TRPC4: variants seen among roughly 807,000 people sequenced by gnomAD.
TRPC4 encodes the protein short transient receptor potential channel 4.
Under a neutral mutation model 99.4 loss-of-function variants are expected in TRPC4, and 49 were observed. That is an observed-to-expected ratio of 0.49 (90% CI 0.39 to 0.63). TRPC4 has a LOEUF of 0.63. TRPC4 is among the 20% of genes least tolerant of loss of function. The pLI is 0.00. For missense variants in TRPC4, 898 were observed against 1,152.9 expected, an observed-to-expected ratio of 0.78 and a Z score of 3.20; for synonymous variants, 454 against 425.9, an observed-to-expected ratio of 1.07 and a Z score of -0.81.
At chr13:37,678,666 AC>A (rs1308077488) in intron 4 of TRPC4, among the ~76,000 whole-genome samples, 1 of 152,102 alleles carries the variant, frequency 6.6e-6, no homozygotes. Context: ...TGGTGCATTC[AC>A]CCAAACATTT....
At chr13:37,799,789 T>C (rs1441889778) in intron 1 of TRPC4, among the ~76,000 whole-genome samples, 3 of 152,228 alleles carry the variant, frequency 2.0e-5, no homozygotes, top group Non-Finnish European at 4.4e-5. Context: ...CTTCAGGTGA[T>C]TTTATACTAT....
intron 2 of TRPC4, among the ~76,000 whole-genome samples, chr13:37,747,357 T>C (rs1057428981): frequency 6.6e-6 from 1 of 152,200 alleles, no homozygotes; most frequent in Non-Finnish European, 1.5e-5. Flanking sequence ...CCTTATATAA[T>C]AAACACAGGT....
At chr13:37,720,283 T>C (rs1255713706) in intron 3 of TRPC4, among the ~76,000 whole-genome samples, 1 of 152,152 alleles carries the variant, frequency 6.6e-6, no homozygotes, top group Non-Finnish European at 1.5e-5. Flanking sequence ...AATTAATGTA[T>C]ACATTGAAAT....
chr13:37,762,080 A>G (rs1956237570), intron 2 of TRPC4, among the ~76,000 whole-genome samples: 1 of 151,856 alleles, frequency 6.6e-6, no homozygotes, highest in Admixed American at 6.6e-5. Flanking sequence ...AGCAGGTTGG[A>G]CTAGGATGAA....
Position 37,663,698 on chromosome 13 carries a change from T to C in TRPC4, c.1406A>G (p.Asp469Gly). ...YSALNPRESW[D>G]MWHPTLVAEA... ...TGCCACCAGAGTGGGATGCCACATG[T>C]CCCATGATTCTCGTGGATTAAGGGC... The change falls in exon 6 of 11, where the codon GAC becomes GGC. Residue 469 changes from aspartate (D) to glycine (G), a missense_variant. Physicochemically the swap from Asp to Gly is moderately conservative, Grantham distance 94 (BLOSUM62 -1). Around this residue, in one of 3 missense-constraint regions of TRPC4, gnomAD observed 274 missense variants for 454.9 expected, o/e 0.60. Coordinates refer to ENST00000379705, the MANE Select transcript of TRPC4 (RefSeq NM_016179.4). The C allele has an allele frequency of 6.2e-7, 1 of 1,613,926 alleles. No homozygotes were observed. The highest frequency in any genetic ancestry group is 8.5e-7 in the Non-Finnish European group (1 of 1,179,934).
chr13:37,844,544 C>G (rs1195869713), intron 1 of TRPC4, among the ~76,000 whole-genome samples: 1 of 152,190 alleles, frequency 6.6e-6, no homozygotes. Flanking sequence ...ATTCACCTGT[C>G]TCAGCCTCCC....
intron 1 of TRPC4, among the ~76,000 whole-genome samples, chr13:37,795,934 C>G (rs1957232745): frequency 6.6e-6 from 1 of 152,114 alleles, no homozygotes; most frequent in Admixed American, 6.6e-5. Context: ...GGTCATACAG[C>G]TACTAAATGT....
chr13:37,755,183 G>A (rs973112512), intron 2 of TRPC4, among the ~76,000 whole-genome samples: 9 of 151,248 alleles, frequency 6.0e-5, no homozygotes, highest in African/African-American at 2.2e-4. Flanking sequence ...GTTATATTGA[G>A]TAAAAACAAT....
At chr13:37,701,823 GAAA>G (rs1288008795) in intron 3 of TRPC4, among the ~76,000 whole-genome samples, 1 of 152,146 alleles carries the variant, frequency 6.6e-6, no homozygotes, top group Admixed American at 6.5e-5. Context: ...TGTGGATATT[GAAA>G]TGTTTTATAC....
At chr13:37,828,861 T>C (rs924424820) in intron 1 of TRPC4, among the ~76,000 whole-genome samples, 2 of 152,068 alleles carry the variant, frequency 1.3e-5, no homozygotes, top group Non-Finnish European at 2.9e-5. Context: ...AGGGTGAGGA[T>C]TGAAAAACTA....
chr13:37,852,154 C>T (rs1959075980), intron 1 of TRPC4, among the ~76,000 whole-genome samples: 1 of 152,130 alleles, frequency 6.6e-6, no homozygotes, highest in African/African-American at 2.4e-5. Flanking sequence ...GCTGGGGCAG[C>T]TGAAGAAGAG....
In TRPC4 at chr13:37,737,156, A is replaced by G. The variant is rs75757008; in HGVS notation, c.897+8781T>C. On this transcript the variant is annotated intron_variant, in intron 3 of 10. Coordinates refer to ENST00000379705, the MANE Select transcript of TRPC4 (RefSeq NM_016179.4). ...CTACACTTTCTGCTGCATAGTATATAGTGGAATCTTGTATTTTTCTGCATA... is the reference window on the plus strand; with the variant it reads ...CTACACTTTCTGCTGCATAGTATATGGTGGAATCTTGTATTTTTCTGCATA... Among the ~76,000 whole-genome samples, 696 of 152,016 alleles carry G rather than the reference A, an allele frequency of 4.6e-3. 14 individuals carry two copies. The highest frequency in any genetic ancestry group is 0.029 in the East Asian group (151 of 5,176).
At chr13:37,685,164 G>T (rs532571419) in intron 4 of TRPC4, among the ~76,000 whole-genome samples, 18 of 152,232 alleles carry the variant, frequency 1.2e-4, no homozygotes, top group Admixed American at 2.0e-4. Context: ...CAGAAACATG[G>T]TCCATTCAAA....
intron 1 of TRPC4, among the ~76,000 whole-genome samples, chr13:37,823,864 G>C (rs1017176735): frequency 1.3e-5 from 2 of 150,478 alleles, no homozygotes; most frequent in East Asian, 3.9e-4. Flanking sequence ...ACCTTGGGCA[G>C]TATGGCCATT....
chr13:37,865,695 G>C (rs1412665004), intron 1 of TRPC4, among the ~76,000 whole-genome samples: 1 of 151,644 alleles, frequency 6.6e-6, no homozygotes, highest in Non-Finnish European at 1.5e-5. Context: ...CTTGTTAAAA[G>C]ATTATTGATT....
chr13:37,747,577 A>G (rs553993563), intron 2 of TRPC4, among the ~76,000 whole-genome samples: 146 of 152,280 alleles, frequency 9.6e-4, no homozygotes, highest in South Asian at 1.5e-3. Context: ...AAACCACAAA[A>G]GGATCAGAGG....
rs1197843400 is a variant in TRPC4 at position 37,651,272 on chromosome 13, G to A, written c.2072C>T (p.Thr691Ile). ...AACATGCTGTGTTCTTACCCCTATT[G>A]TTCCAAAACTTTCTGGCTTTCTTCT... ...KMRRKPESFGTIGRRAADNLR... is the reference protein window; with the variant it reads ...KMRRKPESFGIIGRRAADNLR... Residue 691 changes from threonine to isoleucine, a missense_variant, in exon 8 of 11, where the codon ACA (threonine) becomes ATA (isoleucine). Thr to Ile is a moderately conservative substitution (Grantham distance 89, BLOSUM62 -1). Around this residue, in one of 3 missense-constraint regions of TRPC4, gnomAD observed 346 missense variants for 351.4 expected, o/e 0.98. Transcript: ENST00000379705. 5 of 1,613,918 alleles carry A rather than the reference G, an allele frequency of 3.1e-6. No homozygotes were observed. The African/African-American group carries it at 6.7e-5, about 22-fold the overall frequency.
intron 1 of TRPC4, among the ~76,000 whole-genome samples, chr13:37,788,348 G>T (rs185204776): frequency 1.4e-4 from 21 of 152,126 alleles, no homozygotes; most frequent in Middle Eastern, 3.4e-3. Flanking sequence ...TCCTAGCTCA[G>T]ATTTTCTGTA....
At chr13:37,726,519 T>C (rs1293476406) in intron 3 of TRPC4, among the ~76,000 whole-genome samples, 1 of 151,978 alleles carries the variant, frequency 6.6e-6, no homozygotes, top group African/African-American at 2.4e-5. Context: ...AGAAGGTAAT[T>C]ACAAAAAACA....
Sources: gnomAD v4.1 joint callset for allele counts (sites outside exome capture counted in the v4.1 genomes callset) on GRCh38, gnomAD v4.1.1 for gene constraint, gnomAD v4.1.1 regional missense constraint, MANE v1.5 for transcripts, NCBI Gene and HGNC (gene_info 2026-07-23, HGNC 2026-07-21) for gene names.